Variants in HMBOX1 observed in about 807,000 individuals in gnomAD.
The protein encoded by HMBOX1 is homeobox containing 1, also known as homeobox-containing protein 1.
Under a neutral mutation model 54.5 loss-of-function variants are expected in HMBOX1, and 14 were observed. The ratio of observed to expected loss-of-function variants is 0.26; its 90% CI spans 0.17 to 0.40. The LOEUF is 0.40. HMBOX1 is among the 10% of genes least tolerant of loss of function. HMBOX1 has a pLI of 1.00. For synonymous variants in HMBOX1, 160 were observed against 181.0 expected (o/e 0.88, Z 0.93); for missense variants, 332 against 514.4 (o/e 0.65, Z 3.43).
chr8:29,046,572 T>C (rs1805590920), intron 7 of HMBOX1, among the ~76,000 whole-genome samples: 1 of 152,224 alleles, frequency 6.6e-6, no homozygotes. Flanking sequence ...CATAGCGGCC[T>C]TCAGCCTTCA....
chr8:28,957,840 C>T (rs1460301967), intron 1 of HMBOX1, among the ~76,000 whole-genome samples: 1 of 152,044 alleles, frequency 6.6e-6, no homozygotes, highest in Non-Finnish European at 1.5e-5. Context: ...CCAGGCTGGT[C>T]TCGAGCTCTT....
At chr8:28,939,756 C>A (rs1028460792) in intron 1 of HMBOX1, among the ~76,000 whole-genome samples, 2 of 151,964 alleles carry the variant, frequency 1.3e-5, no homozygotes, top group Non-Finnish European at 2.9e-5. Flanking sequence ...GTGATCCACC[C>A]GCCTCGGCCT....
chr8:28,960,889 C>A (rs191087501), intron 1 of HMBOX1, among the ~76,000 whole-genome samples: 38 of 147,692 alleles, frequency 2.6e-4, no homozygotes, highest in Non-Finnish European at 4.7e-4. Context: ...CGGATTCAAG[C>A]GATTCTCCTG....
rs948810401 is a variant in HMBOX1 at position 28,923,999 on chromosome 8, A to G, written c.-58+33321A>G. Among the ~76,000 whole-genome samples, 2 of 151,672 alleles carry G rather than the reference A, an allele frequency of 1.3e-5. 1 individual carries two copies. Among genetic ancestry groups the G allele is most frequent in the South Asian group, 4.2e-4 (2 of 4,810 alleles). On this transcript the variant is annotated intron_variant, in intron 1 of 9. Transcript: ENST00000287701. ...GTTGTTAAGTTTAGTAGTTCTTAAT[A>G]TATTTTGGATAATCTCGTCTCAGAT...
intron 6 of HMBOX1, among the ~76,000 whole-genome samples, chr8:29,037,590 T>C (rs891966535): frequency 2.0e-5 from 3 of 152,244 alleles, no homozygotes; most frequent in East Asian, 1.9e-4. Context: ...TACATCTACA[T>C]ATCTTTTTAA....
chr8:28,974,726 T>C lies in HMBOX1; in HGVS notation c.500+4207T>C, dbSNP rs115511110. On this transcript the variant is annotated intron_variant, in intron 3 of 9. Transcript: ENST00000287701. The stretch of plus-strand genomic sequence containing the variant: ...TTTTTTAAAATTTAAAGTTATACTT[T>C]GTCTCCATAGGTGAAAATGTATGGG... Among the ~76,000 whole-genome samples, 480 of 152,322 alleles carry C rather than the reference T, an allele frequency of 3.2e-3. 3 individuals are homozygous for C. Among genetic ancestry groups the C allele is most frequent in the African/African-American group, 0.011 (455 of 41,576 alleles).
rs148778421 is a variant in HMBOX1, at chr8:28,955,426, C to G, written c.-57-8385C>G. ...TGCCTTTAGATACGCAAACTGATGTCAGAACACACATATAAAGGGATATTT... is the reference window on the plus strand; with the variant it reads ...TGCCTTTAGATACGCAAACTGATGTGAGAACACACATATAAAGGGATATTT... On this transcript the variant is annotated intron_variant, in intron 1 of 9. Transcript: ENST00000287701. Among the ~76,000 whole-genome samples the G allele has an allele frequency of 1.4e-4, 21 of 152,230 alleles. No homozygotes were observed. The East Asian group carries it at 3.9e-3, about 28-fold the overall frequency.
chr8:28,920,191 C>G (rs780988956), intron 1 of HMBOX1, among the ~76,000 whole-genome samples: 7 of 152,110 alleles, frequency 4.6e-5, no homozygotes, highest in Admixed American at 1.3e-4. Context: ...TGTTTCTTAG[C>G]TCCAGATACC....
chr8:28,905,333 G>T (rs1309527679), intron 1 of HMBOX1, among the ~76,000 whole-genome samples: 1 of 151,922 alleles, frequency 6.6e-6, no homozygotes, highest in Admixed American at 6.5e-5. Context: ...CCAGGCGCGC[G>T]TGCATGCGCA....
At chr8:28,980,554 A>C (rs1829169348) in intron 4 of HMBOX1, among the ~76,000 whole-genome samples, 1 of 152,172 alleles carries the variant, frequency 6.6e-6, no homozygotes, top group Non-Finnish European at 1.5e-5. Context: ...ATGAGGGTAA[A>C]GAAAGTTGTT....
chr8:28,929,310 A>G (rs1411888114), intron 1 of HMBOX1, among the ~76,000 whole-genome samples: 2 of 152,310 alleles, frequency 1.3e-5, no homozygotes, highest in East Asian at 1.9e-4. Context: ...GTTGAAGGGT[A>G]TGTTTGGAAA....
At chr8:28,904,626 TG>T (rs1813900585) in intron 1 of HMBOX1, among the ~76,000 whole-genome samples, 1 of 152,164 alleles carries the variant, frequency 6.6e-6, no homozygotes, top group African/African-American at 2.4e-5. Flanking sequence ...TGCCAAACAT[TG>T]AACCTTTTTT....
At chr8:28,900,265 A>ATATATATATATATATATAT (rs1311095400) in intron 1 of HMBOX1, among the ~76,000 whole-genome samples, 6 of 39,816 alleles carry the variant, frequency 1.5e-4, no homozygotes, top group Non-Finnish European at 4.1e-4. Flanking sequence ...AAAAAAAAAA[A>ATATATATATATATATATAT]AAAAAAATAT....
intron 6 of HMBOX1, among the ~76,000 whole-genome samples, chr8:29,032,624 G>A (rs1803181077): frequency 6.6e-6 from 1 of 152,128 alleles, no homozygotes; most frequent in Admixed American, 6.6e-5. Context: ...TTCACCATCT[G>A]CTAAGTAAAG....
chr8:28,898,658 C>G (rs1483695457), intron 1 of HMBOX1, among the ~76,000 whole-genome samples: 1 of 152,188 alleles, frequency 6.6e-6, no homozygotes, highest in African/African-American at 2.4e-5. Context: ...CCTTCCAGTT[C>G]TGTTTGTATT....
At chr8:28,995,692 G>A (rs1831707992) in intron 4 of HMBOX1, among the ~76,000 whole-genome samples, 1 of 152,252 alleles carries the variant, frequency 6.6e-6, no homozygotes, top group South Asian at 2.1e-4. Context: ...GTGTCTCATT[G>A]TAGTTTTGAT....
At chr8:28,990,734 C>T (rs986572648) in intron 4 of HMBOX1, among the ~76,000 whole-genome samples, 25 of 152,076 alleles carry the variant, frequency 1.6e-4, no homozygotes, top group Non-Finnish European at 2.8e-4. Context: ...CGGCTCACTG[C>T]AACTTCTGTC....
chr8:28,909,851 A>C (rs1815067897), intron 1 of HMBOX1, among the ~76,000 whole-genome samples: 1 of 151,800 alleles, frequency 6.6e-6, no homozygotes, highest in African/African-American at 2.4e-5. Context: ...CAATTTTAGA[A>C]CTTTTTTTTT....
intron 3 of HMBOX1, among the ~76,000 whole-genome samples, chr8:28,978,520 C>T (rs1251249652): frequency 6.6e-6 from 1 of 152,174 alleles, no homozygotes; most frequent in African/African-American, 2.4e-5. Flanking sequence ...CTACTGCTCA[C>T]GCCTGTATTC....
Sources: gnomAD v4.1 joint callset for allele counts (sites outside exome capture counted in the v4.1 genomes callset) on GRCh38, gnomAD v4.1.1 for gene constraint, MANE v1.5 for transcripts, NCBI Gene and HGNC (gene_info 2026-07-23, HGNC 2026-07-21) for gene names.